PTPRD: variants seen among roughly 807,000 people sequenced by gnomAD.
PTPRD encodes the protein protein tyrosine phosphatase receptor type D.
A neutral mutation model predicts 214.5 loss-of-function variants in PTPRD; 34 were observed. That is an observed-to-expected ratio of 0.16 (90% CI 0.12 to 0.21). The LOEUF is 0.21. Ranked by LOEUF, PTPRD falls within the 10% of genes least tolerant of loss-of-function variation. The probability of loss-of-function intolerance (pLI) is 1.00; values close to 1 mark genes in which losing one functional copy is unlikely to be tolerated. For missense variants in PTPRD, 2,545 were observed against 2,398.7 expected, an observed-to-expected ratio of 1.06 and a Z score of -1.27; for synonymous variants, 1,128 against 845.7, an observed-to-expected ratio of 1.33 and a Z score of -5.79.
chr9:8,720,693 T>C (rs2098483994), intron 12 of PTPRD, among the ~76,000 whole-genome samples: 1 of 152,160 alleles, frequency 6.6e-6, no homozygotes, highest in Admixed American at 6.5e-5. Flanking sequence ...ATGTGTTTTT[T>C]TTTAATTGAA....
In PTPRD at chr9:8,587,602, GA is replaced by G. The variant is rs564729666; in HGVS notation, c.352+45714del. Among the ~76,000 whole-genome samples, 699 of 152,118 alleles carry G rather than the reference GA, an allele frequency of 4.6e-3. 6 individuals are homozygous for G. Among genetic ancestry groups the G allele is most frequent in the African/African-American group, 0.015 (602 of 41,502 alleles). ...CACATAAAATGGAAAGCTGAATTTG[GA>G]AAAAAATCAAATTAAGTTCAACAGA... On this transcript the variant is annotated intron_variant, in intron 14 of 45. Transcript: ENST00000381196.
At chr9:9,145,860 AC>A (rs1302321706) in intron 10 of PTPRD, among the ~76,000 whole-genome samples, 1 of 152,222 alleles carries the variant, frequency 6.6e-6, no homozygotes, top group Admixed American at 6.5e-5. Context: ...GACAATGGAA[AC>A]CTGCAACAAT....
intron 11 of PTPRD, among the ~76,000 whole-genome samples, chr9:8,751,607 T>C (rs953424506): frequency 3.9e-5 from 6 of 152,222 alleles, no homozygotes; most frequent in African/African-American, 1.4e-4. Flanking sequence ...AGCCAAGGCC[T>C]GCTGTGAGTC....
intron 9 of PTPRD, among the ~76,000 whole-genome samples, chr9:9,307,457 AAGGGT>A (rs1225380715): frequency 6.6e-6 from 1 of 152,172 alleles, no homozygotes; most frequent in African/African-American, 2.4e-5. Context: ...TCATAAGCTT[AAGGGT>A]ACGATTGCTA....
At chr9:8,587,342 T>A (rs961342959) in intron 14 of PTPRD, among the ~76,000 whole-genome samples, 1 of 152,216 alleles carries the variant, frequency 6.6e-6, no homozygotes, top group African/African-American at 2.4e-5. Flanking sequence ...ATTTTAATAA[T>A]TTTGTTCACC....
At chr9:8,857,481 C>G (rs921585508) in intron 11 of PTPRD, among the ~76,000 whole-genome samples, 1 of 152,208 alleles carries the variant, frequency 6.6e-6, no homozygotes, top group Non-Finnish European at 1.5e-5. Context: ...GAGGAGCAAA[C>G]TGTGCGCTCC....
Position 9,790,976 on chromosome 9 carries a change from A to G in PTPRD, c.-367-24125T>C, listed in dbSNP as rs570903040. On this transcript the variant is annotated intron_variant, in intron 5 of 45. Transcript: ENST00000381196. ...TCTTGGAAGACAGATGGTTCAGTAC[A>G]TATCATAAATATATATAATGAACCA... Among the ~76,000 whole-genome samples the G allele has an allele frequency of 2.0e-5, 3 of 152,320 alleles. No individual in the cohort carries two copies. The South Asian group carries it at 6.2e-4, about 32-fold the overall frequency.
At chr9:8,546,817 A>G (rs749638404) in intron 14 of PTPRD, among the ~76,000 whole-genome samples, 1 of 152,112 alleles carries the variant, frequency 6.6e-6, no homozygotes, top group Non-Finnish European at 1.5e-5. Context: ...TCATTTTTCT[A>G]AAGAACTGAT....
intron 13 of PTPRD, among the ~76,000 whole-genome samples, chr9:8,634,439 G>A (rs1267997606): frequency 1.3e-5 from 2 of 151,920 alleles, no homozygotes; most frequent in African/African-American, 2.4e-5. Flanking sequence ...TTTATGGGGT[G>A]CTTAATTCCA....
intron 4 of PTPRD, among the ~76,000 whole-genome samples, chr9:9,947,355 T>TATATATTATATATATA (rs1566616258): frequency 0.018 from 628 of 34,366 alleles, 19 homozygotes; most frequent in East Asian, 0.094. Context: ...TAATATATAT[T>TATATATTATATATATA]ATATATATTA....
chr9:10,030,699 A>T lies in PTPRD; in HGVS notation c.-472+3019T>A, dbSNP rs187853783. ...ACGTGGAGAATCTATCCCATAGAAAAATTCCAGTTGAGAAAATCTTGGTTT... is the reference window on the plus strand; with the variant it reads ...ACGTGGAGAATCTATCCCATAGAAATATTCCAGTTGAGAAAATCTTGGTTT... On this transcript the variant is annotated intron_variant, in intron 4 of 45. Coordinates refer to ENST00000381196, the MANE Select transcript of PTPRD (RefSeq NM_002839.4). Among the ~76,000 whole-genome samples the T allele has an allele frequency of 3.9e-5, 6 of 152,192 alleles. No individual in the cohort carries two copies. The East Asian group carries it at 1.2e-3, about 29-fold the overall frequency.
intron 12 of PTPRD, among the ~76,000 whole-genome samples, chr9:8,707,002 A>G (rs1025336218): frequency 1.3e-5 from 2 of 152,180 alleles, no homozygotes; most frequent in Admixed American, 1.3e-4. Context: ...GAGTTTTACT[A>G]TTTTATTACT....
intron 14 of PTPRD, among the ~76,000 whole-genome samples, chr9:8,617,243 G>T (rs1564745848): frequency 6.6e-6 from 1 of 152,076 alleles, no homozygotes; most frequent in Admixed American, 6.6e-5. Context: ...AGAGAGAGAA[G>T]AAAGATGGGA....
chr9:9,236,492 A>G (rs1273004708), intron 9 of PTPRD, among the ~76,000 whole-genome samples: 1 of 151,540 alleles, frequency 6.6e-6, no homozygotes, highest in African/African-American at 2.4e-5. Flanking sequence ...TACTCTCTCA[A>G]CTTCCTGGGA....
chr9:9,175,031 T>A (rs2099923786), intron 10 of PTPRD, among the ~76,000 whole-genome samples: 1 of 152,018 alleles, frequency 6.6e-6, no homozygotes, highest in Non-Finnish European at 1.5e-5. Flanking sequence ...CTATATGACA[T>A]AGCCAGAAGA....
intron 14 of PTPRD, among the ~76,000 whole-genome samples, chr9:8,605,447 T>C (rs56411145): frequency 0.11 from 16,577 of 152,038 alleles, 939 homozygotes; most frequent in East Asian, 0.17. Flanking sequence ...CCTGAAACCA[T>C]TGGGTCAAAG....
chr9:8,736,949 A>C (rs1380917243), intron 11 of PTPRD, among the ~76,000 whole-genome samples: 1 of 152,118 alleles, frequency 6.6e-6, no homozygotes, highest in Admixed American at 6.5e-5. Context: ...TCCCATCCTC[A>C]TGCCAGCATT....
intron 11 of PTPRD, among the ~76,000 whole-genome samples, chr9:8,806,968 T>C (rs1304649755): frequency 2.0e-5 from 3 of 152,180 alleles, no homozygotes; most frequent in African/African-American, 7.2e-5. Flanking sequence ...GGAAGACCCA[T>C]GAATTGCCTT....
chr9:10,217,165 TC>T (rs2099545535), intron 3 of PTPRD, among the ~76,000 whole-genome samples: 1 of 151,888 alleles, frequency 6.6e-6, no homozygotes, highest in South Asian at 2.1e-4. Flanking sequence ...ACCTCAAATT[TC>T]TAAAGAAGTT....
Sources: gnomAD v4.1 joint callset for allele counts (sites outside exome capture counted in the v4.1 genomes callset) on GRCh38, gnomAD v4.1.1 for gene constraint, MANE v1.5 for transcripts, NCBI Gene and HGNC (gene_info 2026-07-23, HGNC 2026-07-21) for gene names.